Variants in SLC41A2 observed in about 807,000 individuals in gnomAD.
The protein encoded by SLC41A2 is solute carrier family 41 member 2, also known as SLC41A1-like 1.
A neutral mutation model predicts 58.3 loss-of-function variants in SLC41A2; 32 were observed. The observed-to-expected ratio is 0.55, with a 90% CI of 0.41 to 0.74. The LOEUF is 0.74. Among genes scored for constraint, SLC41A2 ranks in the 30% least tolerant of loss-of-function variants. The pLI, the probability that SLC41A2 is intolerant of heterozygous loss-of-function variation, is 0.00. For synonymous variants in SLC41A2, 190 were observed against 235.0 expected, an observed-to-expected ratio of 0.81 and a Z score of 1.75; for missense variants, 514 against 680.6, an observed-to-expected ratio of 0.76 and a Z score of 2.72.
At chr12:104,912,809 G>A (rs982596945) in intron 2 of SLC41A2, among the ~76,000 whole-genome samples, 2 of 152,130 alleles carry the variant, frequency 1.3e-5, no homozygotes, top group African/African-American at 4.8e-5. Context: ...TCAACCTGTG[G>A]GATCTGATGC....
At chr12:104,855,072 G>A (rs754890003) in intron 8 of SLC41A2, among the ~76,000 whole-genome samples, 6 of 152,038 alleles carry the variant, frequency 3.9e-5, no homozygotes, top group African/African-American at 1.4e-4. Context: ...GCCAACAAAC[G>A]TACCCACATG....
Position 104,947,784 on chromosome 12 carries a change from C to T in SLC41A2, c.-168+10304G>A, listed in dbSNP as rs2047787350. ...CAATGAAAGTTGGATAAGGAACTAG[C>T]CCTAATACTGTTTTTTAATTTAAAT... is the stretch of plus-strand genomic sequence containing the variant. On this transcript the variant is annotated intron_variant, in intron 1 of 10. Coordinates refer to ENST00000258538, the MANE Select transcript of SLC41A2 (RefSeq NM_001352171.3). 2.0e-5 allele frequency among the ~76,000 whole-genome samples: 3 copies of T among 151,972 alleles called. No individual in the cohort carries two copies. The South Asian group carries it at 6.2e-4, about 32-fold the overall frequency.
chr12:104,862,453 T>C (rs1375061498), intron 7 of SLC41A2, among the ~76,000 whole-genome samples: 5 of 152,132 alleles, frequency 3.3e-5, no homozygotes, highest in Non-Finnish European at 7.4e-5. Flanking sequence ...TGACAAAATA[T>C]ATAGATCATG....
intron 3 of SLC41A2, among the ~76,000 whole-genome samples, chr12:104,897,811 G>A (rs2045369357): frequency 1.3e-5 from 2 of 152,106 alleles, no homozygotes; most frequent in African/African-American, 2.4e-5. Context: ...GGTATGGCAG[G>A]ACACAGAAAA....
At chr12:104,921,536 T>C (rs1399207580) in intron 2 of SLC41A2, among the ~76,000 whole-genome samples, 2 of 150,496 alleles carry the variant, frequency 1.3e-5, no homozygotes, top group African/African-American at 2.4e-5. Flanking sequence ...AAGAATACTA[T>C]AACCAGCAAA....
chr12:104,930,188 GA>G (rs1359992676), intron 1 of SLC41A2, among the ~76,000 whole-genome samples: 1 of 152,210 alleles, frequency 6.6e-6, no homozygotes, highest in East Asian at 1.9e-4. Context: ...TTATGGTGCA[GA>G]CTTCCTGTGG....
At chr12:104,843,773 A>G (rs1349047724) in intron 10 of SLC41A2, among the ~76,000 whole-genome samples, 7 of 152,160 alleles carry the variant, frequency 4.6e-5, no homozygotes, top group Admixed American at 4.6e-4. Flanking sequence ...TCCCACTTTG[A>G]AAATCGCTGA....
At chr12:104,881,360 T>G (rs1017664133) in intron 6 of SLC41A2, among the ~76,000 whole-genome samples, 1 of 152,212 alleles carries the variant, frequency 6.6e-6, no homozygotes, top group African/African-American at 2.4e-5. Context: ...TTCCGCTAGC[T>G]TTTGAATGTG....
chr12:104,818,330 A>G (rs1255797179), intron 10 of SLC41A2, among the ~76,000 whole-genome samples: 1 of 152,222 alleles, frequency 6.6e-6, no homozygotes, highest in Non-Finnish European at 1.5e-5. Context: ...TTAGTTAGAA[A>G]ACCAACTAGA....
chr12:104,879,685 T>C (rs993892884), intron 6 of SLC41A2, among the ~76,000 whole-genome samples: 2 of 152,204 alleles, frequency 1.3e-5, no homozygotes, highest in Non-Finnish European at 2.9e-5. Context: ...ACTATGCTGT[T>C]TTGGTTACTT....
chr12:104,822,313 T>C (rs946887690), intron 10 of SLC41A2, among the ~76,000 whole-genome samples: 1 of 152,188 alleles, frequency 6.6e-6, no homozygotes, highest in African/African-American at 2.4e-5. Flanking sequence ...TTTTTGCCCA[T>C]AGCCAAAATG....
At chr12:104,946,770 A>C (rs2047734394) in intron 1 of SLC41A2, among the ~76,000 whole-genome samples, 2 of 152,192 alleles carry the variant, frequency 1.3e-5, no homozygotes, top group Non-Finnish European at 2.9e-5. Context: ...TTATTTGTCA[A>C]ATCTTCACAC....
At chr12:104,810,886 C>T (rs1247397216) in intron 10 of SLC41A2, among the ~76,000 whole-genome samples, 1 of 152,206 alleles carries the variant, frequency 6.6e-6, no homozygotes, top group Non-Finnish European at 1.5e-5. Context: ...CACTAAAGCC[C>T]ATGCTCTCAA....
chr12:104,847,374 T>C (rs1462256268), intron 8 of SLC41A2, among the ~76,000 whole-genome samples: 1 of 150,958 alleles, frequency 6.6e-6, no homozygotes, highest in Admixed American at 6.6e-5. Flanking sequence ...GGGGCCGAGG[T>C]GGGTGGATCA....
At chr12:104,858,867 A>C (rs1371706095) in intron 8 of SLC41A2, among the ~76,000 whole-genome samples, 2 of 152,230 alleles carry the variant, frequency 1.3e-5, no homozygotes, top group East Asian at 1.9e-4. Flanking sequence ...ACATCCAAGG[A>C]GAGCATTTCA....
rs752402454 is a variant in SLC41A2, at chr12:104,866,485, T to C, written c.1122A>G (p.Arg374=). 1.5e-5 allele frequency: 25 copies of C among 1,613,094 alleles called. No homozygotes were observed. Among genetic ancestry groups the C allele is most frequent in the Admixed American group, 3.3e-5 (2 of 59,864 alleles). Residue 374 remains arginine (R), a synonymous_variant, in exon 7 of 11, where the codon AGA becomes AGG. Transcript: ENST00000258538. ...IIIAAKHPAT[R]TVLHSGWEPV... ...GCTCCCAGCCTGAGTGGAGAACTGT[T>C]CTTGTGGCTGGATGTTTGGCAGCTA... is the stretch of plus-strand genomic sequence containing the variant.
chr12:104,807,714 A>G (rs2040976445), intron 10 of SLC41A2, among the ~76,000 whole-genome samples: 1 of 152,152 alleles, frequency 6.6e-6, no homozygotes, highest in Non-Finnish European at 1.5e-5. Flanking sequence ...ATGTTCTTCT[A>G]TTTGTTTGTA....
rs183218971 is a variant in SLC41A2 at position 104,828,108 on chromosome 12, G to A, written c.1536+16364C>T. Among the ~76,000 whole-genome samples the A allele has an allele frequency of 3.0e-4, 46 of 152,258 alleles. No homozygotes were observed. In the East Asian group the frequency reaches 8.3e-3, roughly 28 times the overall value. ...GAGACCCTAGCAAGCAGACACACAA[G>A]CAACTGGACGTCAAGAGGAGCACAT... On this transcript the variant is annotated intron_variant, in intron 10 of 10. Coordinates refer to ENST00000258538, the MANE Select transcript of SLC41A2 (RefSeq NM_001352171.3).
At chr12:104,879,881 A>G (rs567244784) in intron 6 of SLC41A2, among the ~76,000 whole-genome samples, 1 of 151,762 alleles carries the variant, frequency 6.6e-6, no homozygotes, top group African/African-American at 2.4e-5. Flanking sequence ...AATTTTCATG[A>G]TATTGATTCT....
Sources: allele counts gnomAD v4.1 joint callset (sites outside exome capture counted in the v4.1 genomes callset), GRCh38; gene constraint gnomAD v4.1.1; transcripts MANE v1.5; gene names NCBI Gene and HGNC (gene_info 2026-07-23, HGNC 2026-07-21).